Variants in TMC8 observed in about 807,000 individuals in gnomAD.
The protein encoded by TMC8 is transmembrane channel-like protein 8.
A neutral mutation model predicts 76.0 loss-of-function variants in TMC8; 71 were observed. The ratio of observed to expected loss-of-function variants is 0.93; its 90% CI spans 0.77 to 1.14. The LOEUF is 1.14. Among genes scored for constraint, TMC8 ranks in the 50% most tolerant of loss-of-function variants. The pLI, the probability that TMC8 is intolerant of heterozygous loss-of-function variation, is 0.00. For missense variants in TMC8, 924 were observed against 947.9 expected (o/e 0.97, Z 0.33); for synonymous variants, 433 against 433.8 (o/e 1.00, Z 0.02).
chr17:78,138,407 CCTT>C lies in TMC8; in HGVS notation c.1600_1602del (p.Phe534del), dbSNP rs1176579021. 1.9e-6 allele frequency: 3 copies of C among 1,612,728 alleles called. No individual in the cohort carries two copies. Among genetic ancestry groups the C allele is most frequent in the Non-Finnish European group, 2.5e-6 (3 of 1,179,996 alleles). Reference sequence around the variant, plus strand: ...CGGCCCTTCCGTGCCTCCAGCTCCACCTTCTTCTTCCAGCTAGTGCTCCTCCTG... The same window carrying C: ...CGGCCCTTCCGTGCCTCCAGCTCCACCTTCTTCCAGCTAGTGCTCCTCCTG... On this transcript the variant is annotated inframe_deletion, in exon 13 of 16. Transcript: ENST00000318430.
At chr17:78,139,942 G>A (rs898653341) in intron 15 of TMC8, among the ~76,000 whole-genome samples, 7 of 152,124 alleles carry the variant, frequency 4.6e-5, no homozygotes, top group African/African-American at 1.2e-4. Flanking sequence ...GCTGAGGCAG[G>A]AGAATCGTTT....
Position 78,137,728 on chromosome 17 carries a change from C to A in TMC8, c.1263C>A (p.Asn421Lys). The A allele has an allele frequency of 6.2e-7, 1 of 1,613,536 alleles. No homozygotes were observed. The change falls in exon 11 of 16, where the codon AAC becomes AAA. Residue 421 changes from asparagine (N) to lysine (K), a missense_variant. By Grantham distance (94) the Asn-to-Lys change is moderately conservative. Coordinates refer to ENST00000318430, the MANE Select transcript of TMC8 (RefSeq NM_152468.5). ...CCCCTGCACCCCAGTGCTGGGAGAACTCCGTGGGGGAGGAGCTGTACAAGC... is the reference window on the plus strand; with the variant it reads ...CCCCTGCACCCCAGTGCTGGGAGAAATCCGTGGGGGAGGAGCTGTACAAGC... ...YNVCDYQCWE[N>K]SVGEELYKLS...
Position 78,140,325 on chromosome 17 carries a change from A to AC in TMC8, c.1903-508dup, listed in dbSNP as rs899499586. On this transcript the variant is annotated intron_variant, in intron 15 of 15. Coordinates refer to ENST00000318430, the MANE Select transcript of TMC8 (RefSeq NM_152468.5). ...GGCAACAGGGAGACACCCAGTTTCC[A>AC]CAAAAAAAAAAAAAAATTACGACTT... Among the ~76,000 whole-genome samples the AC allele has an allele frequency of 4.3e-4, 60 of 138,866 alleles. 1 individual carries two copies. Among genetic ancestry groups the AC allele is most frequent in the Admixed American group, 3.6e-3 (52 of 14,270 alleles). 91.1% of individuals were successfully genotyped at this position (138,866 alleles called of 152,430 possible).
chr17:78,132,096 A>C, intron 3 of TMC8, 66 bp downstream of exon 3: 1 of 1,532,272 alleles, frequency 6.5e-7, no homozygotes, highest in Non-Finnish European at 8.7e-7. Flanking sequence ...GATCGGAAAA[A>C]GGAGAGTGGC....
At chr17:78,132,694 G>T in intron 4 of TMC8, 94 bp from the exon 5 acceptor site, 1 of 1,531,296 alleles carries the variant, frequency 6.5e-7, no homozygotes. Flanking sequence ...CCCTGCCCAG[G>T]CCTCCCCAGG....
chr17:78,131,432 C>T lies in TMC8; in HGVS notation c.-157C>T, dbSNP rs2074961377. ...CAAGTGAACCCTAGGGCTGCAGGAG[C>T]CCAGGCCCCGACGCCGGCGCAGAGG... On this transcript the variant is annotated 5_prime_UTR_variant, in exon 2 of 16. Transcript: ENST00000318430. 2 of 1,050,792 alleles carry T rather than the reference C, an allele frequency of 1.9e-6. No homozygotes were observed. The highest frequency in any genetic ancestry group is 2.8e-6 in the Non-Finnish European group (2 of 716,844). 65.1% of individuals were successfully genotyped at this position (1,050,792 alleles called of 1,614,324 possible).
chr17:78,139,294 C>CT (rs1412151975), intron 15 of TMC8, 54 bp downstream of exon 15: 1 of 1,599,176 alleles, frequency 6.3e-7, no homozygotes, highest in East Asian at 2.2e-5. Flanking sequence ...AAACCCTTCC[C>CT]TATGTGTGGC....
Position 78,133,468 on chromosome 17 carries a change from G to C in TMC8, c.594G>C (p.Val198=). 6.2e-7 allele frequency: 1 copy of C among 1,613,726 alleles called. No homozygotes were observed. Among genetic ancestry groups the C allele is most frequent in the Middle Eastern group, 1.6e-4 (1 of 6,062 alleles). ...AYRVGPESSS[V]YSIRLAYLLS... is the part of the protein sequence containing the mutation. ...GAGTGGGGCCGGAGAGCAGCTCCGT[G>C]TACAGCATCCGCCTGGCCTACCTCC... Residue 198 remains valine (V), a synonymous_variant, in exon 6 of 16, where the codon GTG becomes GTC. Transcript: ENST00000318430.
Position 78,138,556 on chromosome 17 carries a change from T to C in TMC8, c.1665-18T>C, listed in dbSNP as rs1253679171. Reference sequence around the variant, plus strand: ...CCCAGGACCCTGATGCCAGCCCCACTTGGCCATCTCTCGCCAGCATCCACT... The same window carrying C: ...CCCAGGACCCTGATGCCAGCCCCACCTGGCCATCTCTCGCCAGCATCCACT... On this transcript the variant is annotated intron_variant, in intron 13 of 15. Transcript: ENST00000318430. The C allele has an allele frequency of 6.2e-7, 1 of 1,613,752 alleles. No individual in the cohort carries two copies. Among genetic ancestry groups the C allele is most frequent in the South Asian group, 1.1e-5 (1 of 91,092 alleles).
intron 14 of TMC8, 160 bp downstream of exon 14, chr17:78,138,892 C>G (rs2075304099): frequency 6.5e-7 from 1 of 1,537,134 alleles, no homozygotes; most frequent in South Asian, 1.2e-5. Context: ...GGCCCACCCT[C>G]TGGGCTGCCA....
At position 78,133,968 on chromosome 17, in the gene TMC8, A is replaced by G; in HGVS notation, c.784A>G (p.Ile262Val). Residue 262 changes from isoleucine to valine, a missense_variant, in exon 7 of 16, where the codon ATC becomes GTC. Transcript: ENST00000318430. ...CATCCGGGTGCAGGAAGCAGCCACCATCAAGAAGCATGAGATCAGCAACGA... is the reference window on the plus strand; with the variant it reads ...CATCCGGGTGCAGGAAGCAGCCACCGTCAAGAAGCATGAGATCAGCAACGA... ...FCIRVQEAAT[I>V]KKHEISNEFK... is the part of the protein sequence containing the mutation. 1 of 1,613,776 alleles carries G rather than the reference A, an allele frequency of 6.2e-7. No individual in the cohort carries two copies. The highest frequency in any genetic ancestry group is 8.5e-7 in the Non-Finnish European group (1 of 1,180,046).
rs552461309 is a variant in TMC8 at position 78,133,644 on chromosome 17, C to T, written c.668+102C>T. On this transcript the variant is annotated intron_variant, in intron 6 of 15. Transcript: ENST00000318430. The stretch of plus-strand genomic sequence containing the variant: ...CCCATTGGCAGGAAGGCCCATGGCC[C>T]GGCACAGCAGGCTCCTGGGTGCTTC... 1.1e-4 allele frequency: 166 copies of T among 1,579,836 alleles called. No homozygotes were observed. In the East Asian group the frequency reaches 2.2e-3, roughly 21 times the overall value.
intron 15 of TMC8, 33 bp from the exon 16 acceptor site, chr17:78,140,801 C>A (rs1169539865): frequency 6.3e-7 from 1 of 1,585,412 alleles, no homozygotes; most frequent in Non-Finnish European, 8.6e-7. Flanking sequence ...GGAAGCAGCG[C>A]CTGTCGCAAC....
Position 78,134,937 on chromosome 17 carries a change from C to T in TMC8, c.1055C>T (p.Pro352Leu), listed in dbSNP as rs767228332. Residue 352 changes from proline to leucine, a missense_variant, in exon 9 of 16, where the codon CCC (proline) becomes CTC (leucine). Pro to Leu is a moderately conservative substitution (Grantham distance 98). Transcript: ENST00000318430. ...ATCGCCCTGGTCAACTTCCTGGGTC[C>T]CCTGCTGTTCACATTTCTGGTCCAG... ...GVIALVNFLG[P>L]LLFTFLVQLE... is the part of the protein sequence containing the mutation. 6.2e-7 allele frequency: 1 copy of T among 1,614,148 alleles called. No individual in the cohort carries two copies. The highest frequency in any genetic ancestry group is 2.2e-5 in the East Asian group (1 of 44,882).
chr17:78,134,479 G>C lies in TMC8; in HGVS notation c.902G>C (p.Arg301Pro), dbSNP rs553175400. 38 of 1,614,032 alleles carry C rather than the reference G, an allele frequency of 2.4e-5. No homozygotes were observed. The East Asian group carries it at 8.0e-4, about 34-fold the overall frequency. Reference sequence around the variant, plus strand: ...GCCTGCCGCCTGCTCTCCTACCTGCGGGTCAACGTACTCAACGGGCTCCTG... The same window carrying C: ...GCCTGCCGCCTGCTCTCCTACCTGCCGGTCAACGTACTCAACGGGCTCCTG... ...QTACRLLSYL[R>P]VNVLNGLLVV... The change falls in exon 8 of 16, where the codon CGG (arginine) becomes CCG (proline). Residue 301 changes from arginine to proline, a missense_variant. Coordinates refer to ENST00000318430, the MANE Select transcript of TMC8 (RefSeq NM_152468.5).
chr17:78,133,556 C>T lies in TMC8; in HGVS notation c.668+14C>T, dbSNP rs768460909. Reference sequence around the variant, plus strand: ...GACTCTGCGGCGGTGAGAGCGAGGTCCACACCTTCACCCCTTCCCCAGGGA... The same window carrying T: ...GACTCTGCGGCGGTGAGAGCGAGGTTCACACCTTCACCCCTTCCCCAGGGA... On this transcript the variant is annotated intron_variant, in intron 6 of 15. Transcript: ENST00000318430. The T allele has an allele frequency of 1.6e-5, 25 of 1,608,992 alleles. No individual in the cohort carries two copies. Among genetic ancestry groups the T allele is most frequent in the Non-Finnish European group, 1.9e-5 (23 of 1,179,940 alleles).
chr17:78,131,118 C>T (rs955456441), intron 1 of TMC8, 163 bp from the exon 2 acceptor site: 48 of 232,566 alleles, frequency 2.1e-4, no homozygotes, highest in African/African-American at 9.3e-4. Flanking sequence ...CAGGCTCTTC[C>T]GGAAGGGCAA....
rs770585046 is a variant in TMC8 at position 78,141,058 on chromosome 17, C to T, written c.2127C>T (p.His709=). 4.4e-6 allele frequency: 7 copies of T among 1,597,370 alleles called. No individual in the cohort carries two copies. The highest frequency in any genetic ancestry group is 3.4e-5 in the Admixed American group (2 of 59,154). ...TGCGTTCCCCTTGCCCTGGACAGCACGGTGCCCCGGCCTCCGCCCGCAGAT... is the reference window on the plus strand; with the variant it reads ...TGCGTTCCCCTTGCCCTGGACAGCATGGTGCCCCGGCCTCCGCCCGCAGAT... ...AGLRSPCPGQ[H]GAPASARRFR... The change falls in exon 16 of 16, where the codon CAC becomes CAT. Residue 709 remains histidine (H), a synonymous_variant. Coordinates refer to ENST00000318430, the MANE Select transcript of TMC8 (RefSeq NM_152468.5).
intron 9 of TMC8, 163 bp from the exon 10 acceptor site, chr17:78,137,072 G>C (rs2075251989): frequency 9.3e-7 from 1 of 1,074,954 alleles, no homozygotes; most frequent in South Asian, 1.4e-5. Context: ...CGGACTCTGA[G>C]AACGCACTTT....
Sources: allele counts gnomAD v4.1 joint callset (sites outside exome capture counted in the v4.1 genomes callset), GRCh38; gene constraint gnomAD v4.1.1; transcripts MANE v1.5; gene names NCBI Gene and HGNC (gene_info 2026-07-23, HGNC 2026-07-21).